Variants in PRDM2 observed in about 807,000 individuals in gnomAD.
PRDM2 encodes the protein PR domain zinc finger protein 2.
PRDM2 carries 30 observed loss-of-function variants against 130.0 expected under a neutral mutation model. That is an observed-to-expected ratio of 0.23 (90% CI 0.17 to 0.31). The LOEUF (loss-of-function observed/expected upper bound fraction) is 0.31. Ranked by LOEUF, PRDM2 falls within the 10% of genes least tolerant of loss-of-function variation. PRDM2 has a pLI of 1.00. For synonymous variants in PRDM2, 871 were observed against 782.4 expected, an observed-to-expected ratio of 1.11 and a Z score of -1.89; for missense variants, 2,011 against 2,108.4, an observed-to-expected ratio of 0.95 and a Z score of 0.90.
chr1:13,769,272 C>A, intron 6 of PRDM2: 1 of 663,174 alleles, frequency 1.5e-6, no homozygotes, highest in Non-Finnish European at 1.9e-6. Flanking sequence ...TGTAAATGTC[C>A]TTATGGGTTT....
In PRDM2 at chr1:13,700,239, G is replaced by C. The variant is rs1007587421; in HGVS notation, c.-127G>C. The C allele has an allele frequency of 3.3e-5, 5 of 152,354 alleles. No homozygotes were observed. Among genetic ancestry groups the C allele is most frequent in the African/African-American group, 4.9e-5 (2 of 41,232 alleles). 9.4% of individuals were successfully genotyped at this position (152,354 alleles called of 1,614,324 possible). A position where few individuals can be genotyped will look rare whatever the true frequency, so the allele number is the denominator to read the frequency against. ...CGGCGCGGCCGCGGGCGCCGGGGCCGGCGAAACAGCGGCGGCGGCGGCGGC... is the reference window on the plus strand; with the variant it reads ...CGGCGCGGCCGCGGGCGCCGGGGCCCGCGAAACAGCGGCGGCGGCGGCGGC... On this transcript the variant is annotated 5_prime_UTR_variant, in exon 1 of 10. Coordinates refer to ENST00000311066, the MANE Select transcript of PRDM2 (RefSeq NM_001393986.1).
At position 13,810,232 on chromosome 1, in the gene PRDM2, G is replaced by A. The variant is rs529215243; in HGVS notation, c.5037-6195G>A. On this transcript the variant is annotated intron_variant, in intron 8 of 9. Coordinates refer to ENST00000311066, the MANE Select transcript of PRDM2 (RefSeq NM_001393986.1). ...CGAAATTAAGCATGCATGGAACCCG[G>A]GACATCATGGCACATACATGGCCTG... Among the ~76,000 whole-genome samples, 19 of 152,206 alleles carry A rather than the reference G, an allele frequency of 1.2e-4. No homozygotes were observed. The South Asian group carries it at 3.9e-3, about 32-fold the overall frequency.
chr1:13,725,935 G>A (rs1169909310), intron 2 of PRDM2, among the ~76,000 whole-genome samples: 1 of 152,228 alleles, frequency 6.6e-6, no homozygotes, highest in African/African-American at 2.4e-5. Context: ...ATGTAGCTTG[G>A]GAAAGTTACT....
In PRDM2 at chr1:13,779,612, C is replaced by G. The variant is rs1465880803; in HGVS notation, c.1817C>G (p.Thr606Arg). ...ATAAATTGTCTGCTCACTCCAGTTA[C>G]AGTGGAAATTACTCAAAATATAAAG... ...YGINCLLTPV[T>R]VEITQNIKTT... is the part of the protein sequence containing the mutation. The change falls in exon 8 of 10, where the codon ACA (threonine) becomes AGA (arginine). Residue 606 changes from threonine to arginine, a missense_variant. Physicochemically the swap from Thr to Arg is moderately conservative, Grantham distance 71. This residue lies in a region of PRDM2 where 1,288 missense variants were observed against 1,237.7 expected (regional missense o/e 1.04). Coordinates refer to ENST00000311066, the MANE Select transcript of PRDM2 (RefSeq NM_001393986.1). The surrounding 1 kb of genome is among the most constrained non-coding windows in gnomAD (Gnocchi z 4.9). The G allele has an allele frequency of 6.2e-7, 1 of 1,614,020 alleles. No homozygotes were observed.
At chr1:13,749,601 G>A in intron 6 of PRDM2, 114 bp downstream of exon 6, 1 of 588,748 alleles carries the variant, frequency 1.7e-6, no homozygotes, top group Non-Finnish European at 2.1e-6. Context: ...GGCTCGGGCG[G>A]CGGCGCCCGC....
At chr1:13,787,109 G>A in intron 8 of PRDM2, 1 of 985,448 alleles carries the variant, frequency 1.0e-6, no homozygotes, top group Non-Finnish European at 1.2e-6. Flanking sequence ...GTAATGGAGA[G>A]GAAACCAGAT....
At chr1:13,777,366 C>T (rs1048152765) in intron 7 of PRDM2, among the ~76,000 whole-genome samples, 3 of 151,902 alleles carry the variant, frequency 2.0e-5, no homozygotes, top group African/African-American at 7.3e-5. Flanking sequence ...CAGAGTGATT[C>T]TCTTGAATAC....
chr1:13,814,670 C>A lies in PRDM2; in HGVS notation c.5037-1757C>A, dbSNP rs115086040. ...CCTCAGGTATGAAAGCCAACGATGT[C>A]TCCACACATTACCAAGTGTGTACCC... On this transcript the variant is annotated intron_variant, in intron 8 of 9. Transcript: ENST00000311066. Among the ~76,000 whole-genome samples, 982 of 152,320 alleles carry A rather than the reference C, an allele frequency of 6.4e-3. 13 individuals carry two copies. Among genetic ancestry groups the A allele is most frequent in the African/African-American group, 0.022 (923 of 41,558 alleles).
At chr1:13,773,010 T>G in intron 6 of PRDM2, 68 bp from the exon 7 acceptor site, 1 of 867,940 alleles carries the variant, frequency 1.2e-6, no homozygotes, top group Non-Finnish European at 1.7e-6. Context: ...GAATAACACA[T>G]GAGGGAATGA....
chr1:13,788,222 C>G, intron 8 of PRDM2: 1 of 603,790 alleles, frequency 1.7e-6, no homozygotes, highest in Non-Finnish European at 2.1e-6. Context: ...TCACTTGTTT[C>G]TATTTGACAG....
chr1:13,712,081 A>G (rs572074755), intron 1 of PRDM2, among the ~76,000 whole-genome samples: 51 of 148,930 alleles, frequency 3.4e-4, no homozygotes, highest in Non-Finnish European at 6.5e-4. Context: ...AAAATTAGCC[A>G]GGCATGGTGG....
At chr1:13,810,441 G>A (rs1381007432) in intron 8 of PRDM2, among the ~76,000 whole-genome samples, 1 of 152,086 alleles carries the variant, frequency 6.6e-6, no homozygotes, top group South Asian at 2.1e-4. Flanking sequence ...TTTGAATTGT[G>A]TGTACAGTAA....
chr1:13,751,227 G>A (rs1226064935), intron 6 of PRDM2, among the ~76,000 whole-genome samples: 2 of 152,120 alleles, frequency 1.3e-5, no homozygotes, highest in African/African-American at 4.8e-5. Context: ...TACCTGCGTA[G>A]ACTGTTGGTG....
At chr1:13,776,123 C>T (rs35932901) in intron 7 of PRDM2, among the ~76,000 whole-genome samples, 4 of 152,152 alleles carry the variant, frequency 2.6e-5, no homozygotes, top group Admixed American at 2.6e-4. Context: ...ACACTCACTT[C>T]CATAAACACA....
In PRDM2 at chr1:13,780,608, T is replaced by C; in HGVS notation, c.2813T>C (p.Val938Ala). Residue 938 changes from valine (V) to alanine (A), a missense_variant, in exon 8 of 10, where the codon GTT becomes GCT. Coordinates refer to ENST00000311066, the MANE Select transcript of PRDM2 (RefSeq NM_001393986.1). The stretch of plus-strand genomic sequence containing the variant: ...GGCTCTGGTTTCCCTGCCCCTACTG[T>C]TGAGTCCACACCTGATGTTTGTCCT... ...GPGSGFPAPT[V>A]ESTPDVCPSS... The C allele has an allele frequency of 6.2e-7, 1 of 1,614,112 alleles. No homozygotes were observed. Among genetic ancestry groups the C allele is most frequent in the Non-Finnish European group, 8.5e-7 (1 of 1,180,008 alleles).
At chr1:13,745,983 T>C (rs1643592104) in intron 5 of PRDM2, among the ~76,000 whole-genome samples, 1 of 152,166 alleles carries the variant, frequency 6.6e-6, no homozygotes, top group Non-Finnish European at 1.5e-5. Context: ...CTTCTCTAAT[T>C]TTCTAATATT....
rs1172357298 is a variant in PRDM2, at chr1:13,782,549, C to A, written c.4754C>A (p.Thr1585Asn). ...AGCCCGATAAGAATGGCCAAAATAA[C>A]TCATGTTGAGGGGAAAAAACCTAAA... is the stretch of plus-strand genomic sequence containing the variant. ...NSSPIRMAKI[T>N]HVEGKKPKAV... Residue 1585 changes from threonine (T) to asparagine (N), a missense_variant, in exon 8 of 10, where the codon ACT becomes AAT. Physicochemically the swap from Thr to Asn is moderately conservative, Grantham distance 65 (BLOSUM62 0). Around this residue, in one of 5 missense-constraint regions of PRDM2, gnomAD observed 410 missense variants for 395.9 expected, o/e 1.04. Transcript: ENST00000311066. 2.5e-6 allele frequency: 4 copies of A among 1,614,184 alleles called. No homozygotes were observed. In the African/African-American group the frequency reaches 4.0e-5, roughly 16 times the overall value.
intron 6 of PRDM2, chr1:13,770,275 A>T (rs1373376418): frequency 6.4e-6 from 3 of 465,718 alleles, no homozygotes; most frequent in Non-Finnish European, 1.3e-5. Flanking sequence ...AGTATCAGCT[A>T]GGTGCTCTAA....
intron 4 of PRDM2, among the ~76,000 whole-genome samples, chr1:13,735,334 G>A (rs1643234566): frequency 6.6e-6 from 1 of 152,200 alleles, no homozygotes; most frequent in South Asian, 2.1e-4. Context: ...CTGGCAGGGA[G>A]CCGCTAGCTA....
Sources: allele counts gnomAD v4.1 joint callset (sites outside exome capture counted in the v4.1 genomes callset), GRCh38; gene constraint gnomAD v4.1.1; regional missense constraint gnomAD v4.1.1; non-coding constraint Gnocchi (gnomAD v3.1); transcripts MANE v1.5; gene names NCBI Gene and HGNC (gene_info 2026-07-23, HGNC 2026-07-21).